Variants in NALCN observed in about 807,000 individuals in gnomAD.
The protein encoded by NALCN is sodium leak channel NALCN.
A neutral mutation model predicts 225.3 loss-of-function variants in NALCN; 111 were observed. The ratio of observed to expected loss-of-function variants is 0.49; its 90% CI spans 0.42 to 0.58. The LOEUF is 0.58. Among genes scored for constraint, NALCN ranks in the 20% least tolerant of loss-of-function variants. The pLI, the probability that NALCN is intolerant of heterozygous loss-of-function variation, is 0.00. For missense variants in NALCN, 1,378 were observed against 2,202.4 expected (o/e 0.63, Z 7.49); for synonymous variants, 764 against 769.0 (o/e 0.99, Z 0.11).
chr13:101,124,244 T>A (rs369129397), intron 18 of NALCN, among the ~76,000 whole-genome samples: 1 of 152,316 alleles, frequency 6.6e-6, no homozygotes, highest in East Asian at 1.9e-4. Flanking sequence ...TAATGAACTA[T>A]AATGAAAAAG....
At chr13:101,071,694 T>C (rs774958629) in intron 37 of NALCN, among the ~76,000 whole-genome samples, 3 of 152,228 alleles carry the variant, frequency 2.0e-5, no homozygotes, top group Non-Finnish European at 4.4e-5. Flanking sequence ...GGCTATTTCT[T>C]ATCAGTCATG....
At chr13:101,294,073 G>A (rs1291022603) in intron 7 of NALCN, among the ~76,000 whole-genome samples, 1 of 152,058 alleles carries the variant, frequency 6.6e-6, no homozygotes, top group Admixed American at 6.6e-5. Context: ...GAAGGTCACT[G>A]GTTAATGAAG....
chr13:101,361,066 G>A (rs934773689), intron 6 of NALCN, among the ~76,000 whole-genome samples: 2 of 152,090 alleles, frequency 1.3e-5, no homozygotes, highest in African/African-American at 2.4e-5. Flanking sequence ...CTAAAAATAC[G>A]AATCACAAAT....
chr13:101,391,309 T>C (rs888474421), intron 3 of NALCN, among the ~76,000 whole-genome samples: 1 of 151,994 alleles, frequency 6.6e-6, no homozygotes, highest in Non-Finnish European at 1.5e-5. Context: ...TACCAAATAA[T>C]TAAACAAAAT....
intron 3 of NALCN, among the ~76,000 whole-genome samples, chr13:101,380,219 A>T (rs1449244949): frequency 6.7e-6 from 1 of 149,210 alleles, no homozygotes; most frequent in Non-Finnish European, 1.5e-5. Flanking sequence ...GTGTAATAAA[A>T]ATAGAATTCA....
intron 15 of NALCN, among the ~76,000 whole-genome samples, chr13:101,168,792 C>G (rs933209558): frequency 1.3e-5 from 2 of 152,270 alleles, no homozygotes; most frequent in South Asian, 4.1e-4. Flanking sequence ...GCTGGTATCT[C>G]CTTATTTTTC....
chr13:101,386,694 A>T (rs1174348998), intron 3 of NALCN, among the ~76,000 whole-genome samples: 7 of 152,118 alleles, frequency 4.6e-5, no homozygotes, highest in Admixed American at 4.6e-4. Context: ...GTTTTGAAAA[A>T]ATAAAGTTTC....
At chr13:101,172,747 T>C (rs1007397296) in intron 15 of NALCN, among the ~76,000 whole-genome samples, 1 of 151,980 alleles carries the variant, frequency 6.6e-6, no homozygotes, top group Non-Finnish European at 1.5e-5. Flanking sequence ...TTTCGTATTT[T>C]TAGTAGAGAC....
At chr13:101,322,781 C>T (rs989045491) in intron 7 of NALCN, among the ~76,000 whole-genome samples, 17 of 152,046 alleles carry the variant, frequency 1.1e-4, no homozygotes, top group African/African-American at 3.9e-4. Context: ...GGCATGATCT[C>T]GGCTCACTGC....
chr13:101,058,998 G>A (rs899285464), intron 42 of NALCN: 1 of 152,360 alleles, frequency 6.6e-6, no homozygotes, highest in Non-Finnish European at 1.5e-5. Context: ...ACCCTGCTGG[G>A]CCGTGGAGCC....
intron 13 of NALCN, among the ~76,000 whole-genome samples, chr13:101,202,741 C>G (rs1350241733): frequency 6.6e-6 from 1 of 152,196 alleles, no homozygotes; most frequent in Non-Finnish European, 1.5e-5. Context: ...TAGTACATGC[C>G]TATCAGCCAG....
intron 1 of NALCN, among the ~76,000 whole-genome samples, chr13:101,405,107 TC>T (rs2047578795): frequency 6.6e-6 from 1 of 152,222 alleles, no homozygotes; most frequent in Admixed American, 6.5e-5. Context: ...ACCACTAAAA[TC>T]TACATTTGAA....
At chr13:101,312,423 T>C (rs1485321616) in intron 7 of NALCN, among the ~76,000 whole-genome samples, 2 of 152,184 alleles carry the variant, frequency 1.3e-5, no homozygotes, top group African/African-American at 4.8e-5. Flanking sequence ...TGTTTGCTCT[T>C]GCTTTTCTAG....
intron 15 of NALCN, among the ~76,000 whole-genome samples, chr13:101,153,022 A>G (rs1271778441): frequency 1.3e-5 from 2 of 152,120 alleles, no homozygotes; most frequent in Non-Finnish European, 2.9e-5. Context: ...TTACACACAC[A>G]CAAACACGCA....
chr13:101,164,734 G>C (rs2038357283), intron 15 of NALCN, among the ~76,000 whole-genome samples: 1 of 152,198 alleles, frequency 6.6e-6, no homozygotes, highest in Non-Finnish European at 1.5e-5. Flanking sequence ...TAGTGTGACA[G>C]AGAATTTATT....
rs546942652 is a variant in NALCN, at chr13:101,401,001, C to T, written c.-39-1836G>A. Among the ~76,000 whole-genome samples, 8 of 152,234 alleles carry T rather than the reference C, an allele frequency of 5.3e-5. No individual in the cohort carries two copies. The East Asian group carries it at 1.6e-3, about 30-fold the overall frequency. ...ATGATTGTAAGTTTCCTGAGGCCTC[C>T]CCAGCCATGCAGAATGGAGTCAATT... On this transcript the variant is annotated intron_variant, in intron 1 of 43. Transcript: ENST00000251127.
intron 13 of NALCN, among the ~76,000 whole-genome samples, chr13:101,200,056 G>T (rs1006510254): frequency 2.0e-5 from 3 of 152,066 alleles, no homozygotes; most frequent in African/African-American, 7.2e-5. Context: ...CTCATCCATT[G>T]TAATGCCTTC....
At position 101,117,230 on chromosome 13, in the gene NALCN, T is replaced by C. The variant is rs1208967053; in HGVS notation, c.2193-6004A>G. The stretch of plus-strand genomic sequence containing the variant: ...AAATAAAATAAACCTTGAATGTCTT[T>C]ATCTTACGCACTTATACCCATACTA... On this transcript the variant is annotated intron_variant, in intron 18 of 43. Transcript: ENST00000251127. 3.3e-5 allele frequency among the ~76,000 whole-genome samples: 5 copies of C among 152,344 alleles called. No homozygotes were observed. The East Asian group carries it at 7.7e-4, about 23-fold the overall frequency.
chr13:101,235,308 C>G (rs1309033729), intron 12 of NALCN, among the ~76,000 whole-genome samples: 1 of 151,974 alleles, frequency 6.6e-6, no homozygotes, highest in Non-Finnish European at 1.5e-5. Context: ...TAACTTTTTA[C>G]TGAAAAATGG....
Sources: gnomAD v4.1 joint callset for allele counts (sites outside exome capture counted in the v4.1 genomes callset) on GRCh38, gnomAD v4.1.1 for gene constraint, MANE v1.5 for transcripts, NCBI Gene and HGNC (gene_info 2026-07-23, HGNC 2026-07-21) for gene names.